ADGRL3: variants seen among roughly 807,000 people sequenced by gnomAD.
ADGRL3 encodes the protein adhesion G protein-coupled receptor L3.
ADGRL3 carries 62 observed loss-of-function variants against 153.5 expected under a neutral mutation model. The ratio of observed to expected loss-of-function variants is 0.40; its 90% CI spans 0.33 to 0.50. The LOEUF is 0.50. Ranked by LOEUF, ADGRL3 falls within the 20% of genes least tolerant of loss-of-function variation. The pLI is 0.47. For missense variants in ADGRL3, 1,641 were observed against 1,859.4 expected, an observed-to-expected ratio of 0.88 and a Z score of 2.16; for synonymous variants, 710 against 672.5, an observed-to-expected ratio of 1.06 and a Z score of -0.86.
chr4:61,709,106 G>T (rs1414654007), intron 6 of ADGRL3, among the ~76,000 whole-genome samples: 1 of 152,028 alleles, frequency 6.6e-6, no homozygotes, highest in African/African-American at 2.4e-5. Flanking sequence ...ACTGCACCCG[G>T]CTCAGTTCTT....
chr4:61,893,784 C>G (rs2098606612), intron 10 of ADGRL3, among the ~76,000 whole-genome samples: 1 of 137,536 alleles, frequency 7.3e-6, no homozygotes, highest in African/African-American at 2.7e-5. Context: ...ATGATCTCGG[C>G]TTACCCTCCG....
chr4:61,479,111 A>G (rs184997187), intron 2 of ADGRL3, among the ~76,000 whole-genome samples: 114 of 152,144 alleles, frequency 7.5e-4, no homozygotes, highest in Admixed American at 4.2e-3. Flanking sequence ...GTGAGCTATT[A>G]GCAGATCAAC....
intron 8 of ADGRL3, among the ~76,000 whole-genome samples, chr4:61,778,096 A>C (rs758679315): frequency 1.3e-5 from 2 of 152,238 alleles, no homozygotes; most frequent in African/African-American, 2.4e-5. Flanking sequence ...TGTGGTCAAA[A>C]GACTGTCAAA....
chr4:61,764,232 G>T (rs2096947230), intron 8 of ADGRL3, among the ~76,000 whole-genome samples: 1 of 152,132 alleles, frequency 6.6e-6, no homozygotes, highest in African/African-American at 2.4e-5. Flanking sequence ...GTGCGTCCGT[G>T]TGAAGAGACC....
At chr4:61,842,746 C>T (rs952004731) in intron 9 of ADGRL3, among the ~76,000 whole-genome samples, 1 of 152,096 alleles carries the variant, frequency 6.6e-6, no homozygotes, top group Non-Finnish European at 1.5e-5. Context: ...CACCTGAAAG[C>T]GGTTTGTGTT....
chr4:61,478,401 A>G (rs2098090510), intron 2 of ADGRL3, among the ~76,000 whole-genome samples: 1 of 152,098 alleles, frequency 6.6e-6, no homozygotes, highest in African/African-American at 2.4e-5. Context: ...GGGAAAAAAA[A>G]AGAAACAGAC....
chr4:61,961,105 C>T (rs955882811), intron 17 of ADGRL3, among the ~76,000 whole-genome samples: 2 of 152,082 alleles, frequency 1.3e-5, no homozygotes, highest in African/African-American at 4.8e-5. Context: ...ACCCAGGCCT[C>T]CTATGTATCT....
chr4:61,799,846 G>T (rs2097468622), intron 8 of ADGRL3, among the ~76,000 whole-genome samples: 2 of 151,926 alleles, frequency 1.3e-5, no homozygotes, highest in African/African-American at 4.8e-5. Context: ...CTTATTATGT[G>T]ACAAGCACCC....
At position 61,401,129 on chromosome 4, in the gene ADGRL3, T is replaced by G. The variant is rs141635993; in HGVS notation, c.-174+17940T>G. ...GGATAGAATTATAGTCCTGGAATTT[T>G]TGCTGATAATTTTTCATTTTGAACA... On this transcript the variant is annotated intron_variant, in intron 2 of 26. Coordinates refer to ENST00000683033, the MANE Select transcript of ADGRL3 (RefSeq NM_001387552.1). Among the ~76,000 whole-genome samples, 6 of 151,932 alleles carry G rather than the reference T, an allele frequency of 3.9e-5. No individual in the cohort carries two copies. The East Asian group carries it at 1.2e-3, about 29-fold the overall frequency.
rs1349368794 is a variant in ADGRL3 at position 61,983,351 on chromosome 4, G to T, written c.3016-32G>T. The T allele has an allele frequency of 3.8e-6, 6 of 1,572,166 alleles. No individual in the cohort carries two copies. In the East Asian group the frequency reaches 1.3e-4, roughly 35 times the overall value. On this transcript the variant is annotated intron_variant, in intron 18 of 26. Coordinates refer to ENST00000683033, the MANE Select transcript of ADGRL3 (RefSeq NM_001387552.1). Reference sequence around the variant, plus strand: ...GTTGACTAGTATCCCATGTGGTAGAGATTTGACTAAATCATTTGTTCCTTT... The same window carrying T: ...GTTGACTAGTATCCCATGTGGTAGATATTTGACTAAATCATTTGTTCCTTT...
At chr4:61,348,047 C>T (rs1439189239) in intron 1 of ADGRL3, among the ~76,000 whole-genome samples, 4 of 151,862 alleles carry the variant, frequency 2.6e-5, no homozygotes, top group Admixed American at 2.6e-4. Flanking sequence ...CATCTAAAAC[C>T]AGAAAGCACC....
At chr4:61,893,108 CTTCT>C (rs201781138) in intron 10 of ADGRL3, 150 bp downstream of exon 10, 174,448 of 413,626 alleles carry the variant, frequency 0.42, 37,524 homozygotes, top group Non-Finnish European at 0.44. Flanking sequence ...TCCTTCCTTC[CTTCT>C]TTCTTTCTCT....
rs767626147 is a variant in ADGRL3, at chr4:61,557,507, T to A, written c.260-29720T>A. 1.7e-3 allele frequency among the ~76,000 whole-genome samples: 261 copies of A among 152,302 alleles called. 1 individual carries two copies. Among genetic ancestry groups the A allele is most frequent in the Non-Finnish European group, 2.8e-3 (192 of 68,018 alleles). ...AAGTCTATAACCCATTTATTATCAA[T>A]GTGTACCCTCTAAATAAATGGGCAT... On this transcript the variant is annotated intron_variant, in intron 4 of 26. Transcript: ENST00000683033.
intron 5 of ADGRL3, among the ~76,000 whole-genome samples, chr4:61,594,671 C>T (rs1276970330): frequency 3.9e-5 from 6 of 152,040 alleles, no homozygotes; most frequent in Admixed American, 3.9e-4. Flanking sequence ...ATGGAATCAC[C>T]CCTGTGACCA....
At chr4:61,319,306 T>G (rs2095305598) in intron 1 of ADGRL3, among the ~76,000 whole-genome samples, 1 of 152,196 alleles carries the variant, frequency 6.6e-6, no homozygotes, top group Admixed American at 6.5e-5. Flanking sequence ...TTCAAATAAA[T>G]CACTAAGTAA....
At chr4:61,365,985 T>G (rs555114089) in intron 1 of ADGRL3, among the ~76,000 whole-genome samples, 7 of 152,280 alleles carry the variant, frequency 4.6e-5, no homozygotes, top group African/African-American at 1.7e-4. Context: ...CAACAAGTTA[T>G]TTTTTTAGAA....
chr4:61,703,638 T>A (rs187088391), intron 6 of ADGRL3, among the ~76,000 whole-genome samples: 1 of 152,002 alleles, frequency 6.6e-6, no homozygotes, highest in Admixed American at 6.6e-5. Context: ...TTATAAGAGA[T>A]AGGCATAAAG....
intron 1 of ADGRL3, among the ~76,000 whole-genome samples, chr4:61,285,568 A>AC (rs1426977702): frequency 6.6e-6 from 1 of 151,894 alleles, no homozygotes; most frequent in African/African-American, 2.4e-5. Context: ...TTGGTAAAAT[A>AC]CGGCGATTCA....
At chr4:61,815,309 A>T (rs1488854160) in intron 9 of ADGRL3, among the ~76,000 whole-genome samples, 1 of 152,234 alleles carries the variant, frequency 6.6e-6, no homozygotes, top group Non-Finnish European at 1.5e-5. Context: ...GGATAAAAAC[A>T]TGAAATATTT....
Sources: allele counts gnomAD v4.1 joint callset (sites outside exome capture counted in the v4.1 genomes callset), GRCh38; gene constraint gnomAD v4.1.1; transcripts MANE v1.5; gene names NCBI Gene and HGNC (gene_info 2026-07-23, HGNC 2026-07-21).